Variants in MAPK8IP3 observed in about 807,000 individuals in gnomAD.
The protein encoded by MAPK8IP3 is mitogen-activated protein kinase 8 interacting protein 3.
A neutral mutation model predicts 157.8 loss-of-function variants in MAPK8IP3; 49 were observed. The observed-to-expected ratio is 0.31, with a 90% CI of 0.25 to 0.39. The LOEUF is 0.39. Among genes scored for constraint, MAPK8IP3 ranks in the 10% least tolerant of loss-of-function variants. MAPK8IP3 has a pLI of 1.00. For synonymous variants in MAPK8IP3, 897 were observed against 777.7 expected, an observed-to-expected ratio of 1.15 and a Z score of -2.55; for missense variants, 1,478 against 1,889.4, an observed-to-expected ratio of 0.78 and a Z score of 4.04.
At chr16:1,738,975 C>A (rs1289971709) in intron 4 of MAPK8IP3, among the ~76,000 whole-genome samples, 1 of 131,672 alleles carries the variant, frequency 7.6e-6, no homozygotes, top group Non-Finnish European at 1.6e-5. Flanking sequence ...TGTGACCGTC[C>A]GTGTGAGCAT....
chr16:1,738,704 C>T (rs1426359822), intron 4 of MAPK8IP3, among the ~76,000 whole-genome samples: 1 of 111,988 alleles, frequency 8.9e-6, no homozygotes, highest in African/African-American at 3.6e-5. Flanking sequence ...TCCATGTGAG[C>T]GTGTGAGCAT....
chr16:1,757,516 G>A (rs559345705), intron 8 of MAPK8IP3, among the ~76,000 whole-genome samples: 25 of 152,246 alleles, frequency 1.6e-4, no homozygotes, highest in African/African-American at 5.5e-4. Flanking sequence ...CGTTTCCCTC[G>A]CCAGCCTCCT....
At chr16:1,744,587 C>G (rs1305190582) in intron 5 of MAPK8IP3, 1 of 985,556 alleles carries the variant, frequency 1.0e-6, no homozygotes, top group African/African-American at 1.7e-5. Context: ...GGCCCACCTC[C>G]TCTCACTGTC....
chr16:1,732,765 C>T (rs908073947), intron 4 of MAPK8IP3, among the ~76,000 whole-genome samples: 5 of 148,378 alleles, frequency 3.4e-5, no homozygotes, highest in Admixed American at 6.7e-5. Flanking sequence ...CAGCTTGCCC[C>T]GAGAACGGGT....
At chr16:1,760,302 GC>G in intron 11 of MAPK8IP3, 77 bp from the exon 12 acceptor site, 1 of 1,527,458 alleles carries the variant, frequency 6.5e-7, no homozygotes, top group Non-Finnish European at 8.8e-7. Context: ...GGGCGGAAGT[GC>G]AGGCGCCCCT....
intron 12 of MAPK8IP3, 116 bp from the exon 13 acceptor site, chr16:1,761,108 A>G (rs977596808): frequency 1.3e-6 from 1 of 788,510 alleles, no homozygotes; most frequent in Non-Finnish European, 2.2e-6. Context: ...CTGTGGGGAG[A>G]GCCCCCAGCC....
chr16:1,763,855 T>TG (rs2042097790), intron 17 of MAPK8IP3, 72 bp downstream of exon 17: 1 of 59,346 alleles, frequency 1.7e-5, no homozygotes, highest in African/African-American at 2.2e-4. Flanking sequence ...CGGGGCGCTG[T>TG]GGGGCGGGGA....
At chr16:1,757,305 C>T (rs1011426083) in intron 8 of MAPK8IP3, among the ~76,000 whole-genome samples, 2 of 152,086 alleles carry the variant, frequency 1.3e-5, no homozygotes, top group Non-Finnish European at 2.9e-5. Flanking sequence ...GGGGTTTCAC[C>T]GCATTAGCCA....
At chr16:1,740,896 C>T (rs557792252) in intron 4 of MAPK8IP3, among the ~76,000 whole-genome samples, 6 of 152,302 alleles carry the variant, frequency 3.9e-5, no homozygotes, top group South Asian at 4.1e-4. Context: ...GAGAAGGTGG[C>T]GACCACTGGG....
At position 1,706,377 on chromosome 16, in the gene MAPK8IP3, T is replaced by C; in HGVS notation, c.38T>C (p.Val13Ala). ...CAGATGGACGAGGGCGGCGGCGTGG[T>C]GGTGTACCAGGACGACTACTGCTCC... ...EIQMDEGGGV[V>A]VYQDDYCSGS... Residue 13 changes from valine (V) to alanine (A), a missense_variant, in exon 1 of 32, where the codon GTG (valine) becomes GCG (alanine). Around this residue, in one of 11 missense-constraint regions of MAPK8IP3, gnomAD observed 29 missense variants for 29.8 expected, o/e 0.97. Transcript: ENST00000610761. This position sits in a 1 kb window ranked among gnomAD's most constrained non-coding sequence, Gnocchi z 5.1. The C allele has an allele frequency of 6.2e-7, 1 of 1,609,128 alleles. No individual in the cohort carries two copies. The highest frequency in any genetic ancestry group is 1.7e-4 in the Middle Eastern group (1 of 6,028).
At position 1,743,517 on chromosome 16, in the gene MAPK8IP3, T is replaced by G; in HGVS notation, c.747+41T>G. ...CGTGGAGTGAGAGGCTCCTCCCTGT[T>G]GCTGGTGTTCCCCGTTCACTGGGGC... On this transcript the variant is annotated intron_variant, in intron 5 of 31. Coordinates refer to ENST00000610761, the MANE Select transcript of MAPK8IP3 (RefSeq NM_001318852.2). This position sits in a 1 kb window ranked among gnomAD's most constrained non-coding sequence, Gnocchi z 5.6. 1 of 1,600,908 alleles carries G rather than the reference T, an allele frequency of 6.2e-7. No homozygotes were observed. Among genetic ancestry groups the G allele is most frequent in the Non-Finnish European group, 8.5e-7 (1 of 1,177,556 alleles).
chr16:1,740,594 G>A (rs112736649), intron 4 of MAPK8IP3, among the ~76,000 whole-genome samples: 3 of 152,314 alleles, frequency 2.0e-5, no homozygotes, highest in African/African-American at 4.8e-5. Context: ...TCCATGTGGC[G>A]TGTGCGCATT....
At chr16:1,758,885 C>T (rs2141910968) in intron 9 of MAPK8IP3, 93 bp from the exon 10 acceptor site, 2 of 1,389,794 alleles carry the variant, frequency 1.4e-6, no homozygotes, top group East Asian at 4.6e-5. Context: ...AGCCTGCTGT[C>T]CACACGGGCT....
chr16:1,738,483 T>A, intron 4 of MAPK8IP3, among the ~76,000 whole-genome samples: 2 of 118,094 alleles, frequency 1.7e-5, no homozygotes. Flanking sequence ...AGCATCCGTG[T>A]GAGCGTGTGA....
intron 2 of MAPK8IP3, among the ~76,000 whole-genome samples, chr16:1,726,150 A>G (rs2142341193): frequency 6.6e-6 from 1 of 152,334 alleles, no homozygotes; most frequent in Non-Finnish European, 1.5e-5. Flanking sequence ...CTGTGCTGAC[A>G]ATGACCTGCT....
intron 1 of MAPK8IP3, among the ~76,000 whole-genome samples, chr16:1,719,334 T>C (rs961076155): frequency 6.6e-6 from 1 of 151,914 alleles, no homozygotes; most frequent in Non-Finnish European, 1.5e-5. Flanking sequence ...GACCTGGTGC[T>C]TTCAGACAGG....
Position 1,751,729 on chromosome 16 carries a change from C to T in MAPK8IP3, c.1216+3009C>T, listed in dbSNP as rs984949727. 1 of 152,242 alleles carries T rather than the reference C, an allele frequency of 6.6e-6. No homozygotes were observed. Among genetic ancestry groups the T allele is most frequent in the Non-Finnish European group, 1.5e-5 (1 of 68,066 alleles). The allele number at this position is 152,242 out of a possible 1,614,324, so 9.4% of individuals were successfully genotyped here. On this transcript the variant is annotated intron_variant, in intron 8 of 31. Coordinates refer to ENST00000610761, the MANE Select transcript of MAPK8IP3 (RefSeq NM_001318852.2). The surrounding 1 kb of genome is among the most constrained non-coding windows in gnomAD (Gnocchi z 5.0). Reference sequence around the variant, plus strand: ...GCAGTCGCTTTGTCTGCCCCTCGTCCCCAGCCCCAGGCAACCACAAATCCA... The same window carrying T: ...GCAGTCGCTTTGTCTGCCCCTCGTCTCCAGCCCCAGGCAACCACAAATCCA...
At chr16:1,718,951 G>T (rs1245177240) in intron 1 of MAPK8IP3, among the ~76,000 whole-genome samples, 1 of 152,184 alleles carries the variant, frequency 6.6e-6, no homozygotes, top group Non-Finnish European at 1.5e-5. Context: ...CGCCTGTAGT[G>T]CCTGTGGTTC....
At chr16:1,746,299 C>G (rs2040957717) in intron 5 of MAPK8IP3, 1 of 152,194 alleles carries the variant, frequency 6.6e-6, no homozygotes, top group Non-Finnish European at 1.5e-5. Flanking sequence ...TTTCGCATTC[C>G]GCATTAGTCA....
Sources: allele counts gnomAD v4.1 joint callset (sites outside exome capture counted in the v4.1 genomes callset), GRCh38; gene constraint gnomAD v4.1.1; regional missense constraint gnomAD v4.1.1; non-coding constraint Gnocchi (gnomAD v3.1); transcripts MANE v1.5; gene names NCBI Gene and HGNC (gene_info 2026-07-23, HGNC 2026-07-21).